PTPRG: variants seen among roughly 807,000 people sequenced by gnomAD.
PTPRG encodes the protein protein tyrosine phosphatase receptor type G, also known as receptor-type tyrosine-protein phosphatase gamma.
In PTPRG, 102 loss-of-function variants were observed where a neutral mutation model predicts 165.3. The ratio of observed to expected loss-of-function variants is 0.62; its 90% CI spans 0.53 to 0.73. The LOEUF (loss-of-function observed/expected upper bound fraction) is 0.73, where lower values mean the gene tolerates loss of function less well. Among genes scored for constraint, PTPRG ranks in the 30% least tolerant of loss-of-function variants. The probability of loss-of-function intolerance (pLI) is 0.00; values close to 1 mark genes in which losing one functional copy is unlikely to be tolerated. For missense variants in PTPRG, 1,866 were observed against 1,861.4 expected (o/e 1.00, Z -0.05); for synonymous variants, 675 against 669.5 (o/e 1.01, Z -0.13).
chr3:61,948,755 G>A (rs190640527), intron 2 of PTPRG, among the ~76,000 whole-genome samples: 2 of 152,312 alleles, frequency 1.3e-5, no homozygotes, highest in Admixed American at 1.3e-4. Context: ...GCGTAGGTGT[G>A]TAAAGAGCCT....
At chr3:62,029,041 A>G (rs554929077) in intron 4 of PTPRG, among the ~76,000 whole-genome samples, 13 of 152,298 alleles carry the variant, frequency 8.5e-5, no homozygotes, top group African/African-American at 3.1e-4. Flanking sequence ...CACAACATAC[A>G]TGGCAGACAT....
chr3:61,833,982 C>A (rs989453465), intron 2 of PTPRG, among the ~76,000 whole-genome samples: 28 of 152,150 alleles, frequency 1.8e-4, no homozygotes, highest in Non-Finnish European at 3.5e-4. Context: ...TTATTGGCTT[C>A]AATTAGTCAC....
intron 2 of PTPRG, among the ~76,000 whole-genome samples, chr3:61,884,194 C>T (rs1008826854): frequency 1.3e-5 from 2 of 152,100 alleles, no homozygotes; most frequent in African/African-American, 2.4e-5. Flanking sequence ...CGAAACCTAG[C>T]TGTATGGTTG....
chr3:62,190,572 G>T lies in PTPRG; in HGVS notation c.1034-897G>T, dbSNP rs1454876642. On this transcript the variant is annotated intron_variant, in intron 8 of 29. Transcript: ENST00000474889. This position sits in a 1 kb window ranked among gnomAD's most constrained non-coding sequence, Gnocchi z 5.2. ...CCCCAAGGAATAAGAAGATGAATGA[G>T]CCTGACTTTTCCTTACACCCCACGT... Among the ~76,000 whole-genome samples the T allele has an allele frequency of 6.6e-6, 1 of 152,160 alleles. No homozygotes were observed. Among genetic ancestry groups the T allele is most frequent in the Non-Finnish European group, 1.5e-5 (1 of 68,026 alleles).
At chr3:61,593,433 G>C (rs955483059) in intron 1 of PTPRG, among the ~76,000 whole-genome samples, 8 of 150,306 alleles carry the variant, frequency 5.3e-5, no homozygotes, top group African/African-American at 1.7e-4. Context: ...ACAAAAGATG[G>C]TCCAGGTTTT....
intron 2 of PTPRG, among the ~76,000 whole-genome samples, chr3:61,780,530 A>G (rs1382124848): frequency 6.6e-6 from 1 of 152,182 alleles, no homozygotes; most frequent in East Asian, 1.9e-4. Flanking sequence ...TTTTAATTTA[A>G]AAGGTCAGTA....
intron 1 of PTPRG, among the ~76,000 whole-genome samples, chr3:61,626,963 T>C (rs1701626997): frequency 6.6e-6 from 1 of 152,164 alleles, no homozygotes; most frequent in East Asian, 1.9e-4. Context: ...ACACTACAAA[T>C]GATCCTGTTA....
At chr3:62,132,191 T>A (rs1378586125) in intron 5 of PTPRG, among the ~76,000 whole-genome samples, 2 of 152,192 alleles carry the variant, frequency 1.3e-5, no homozygotes, top group Non-Finnish European at 2.9e-5. Flanking sequence ...ACAGATTCAT[T>A]TTCTAAAAAG....
At chr3:62,259,695 A>G (rs1701635497) in intron 16 of PTPRG, among the ~76,000 whole-genome samples, 1 of 152,218 alleles carries the variant, frequency 6.6e-6, no homozygotes. Context: ...CTTATGCTAG[A>G]GACCAGCTGC....
Position 61,737,961 on chromosome 3 carries a change from T to C in PTPRG, c.86-10917T>C, listed in dbSNP as rs1344910351. 4.0e-5 allele frequency among the ~76,000 whole-genome samples: 6 copies of C among 149,506 alleles called. No individual in the cohort carries two copies. The South Asian group carries it at 8.4e-4, about 21-fold the overall frequency. ...TCTTTCTCTGTCGCCCAGGCTGGAG[T>C]GCAGTGGCGCGATCTTGGCTCACTG... is the stretch of plus-strand genomic sequence containing the variant. On this transcript the variant is annotated intron_variant, in intron 1 of 29. Coordinates refer to ENST00000474889, the MANE Select transcript of PTPRG (RefSeq NM_002841.4).
chr3:61,823,284 G>T (rs1245567334), intron 2 of PTPRG, among the ~76,000 whole-genome samples: 1 of 152,096 alleles, frequency 6.6e-6, no homozygotes. Flanking sequence ...TCTACCTCCC[G>T]GGTTCAAGGG....
intron 2 of PTPRG, among the ~76,000 whole-genome samples, chr3:61,817,013 A>G (rs1237748185): frequency 9.2e-6 from 1 of 108,798 alleles, no homozygotes; most frequent in African/African-American, 3.7e-5. Flanking sequence ...ATATAAATAT[A>G]TATACTATAT....
chr3:62,185,686 T>A (rs1023907575), intron 8 of PTPRG, among the ~76,000 whole-genome samples: 3 of 152,238 alleles, frequency 2.0e-5, no homozygotes, highest in Admixed American at 6.5e-5. Context: ...AGGCGTGATT[T>A]TAAAGCCCAT....
intron 4 of PTPRG, among the ~76,000 whole-genome samples, chr3:62,027,187 G>T (rs983871303): frequency 6.6e-6 from 1 of 152,066 alleles, no homozygotes; most frequent in African/African-American, 2.4e-5. Flanking sequence ...ATCTAAAATG[G>T]TTTTTCTGCA....
In PTPRG at chr3:62,271,166, GTCTTC is replaced by G. The variant is rs1702046614; in HGVS notation, c.3010-210_3010-206del. On this transcript the variant is annotated intron_variant, in intron 20 of 29. Coordinates refer to ENST00000474889, the MANE Select transcript of PTPRG (RefSeq NM_002841.4). This position sits in a 1 kb window ranked among gnomAD's most constrained non-coding sequence, Gnocchi z 4.1. ...TTCATTCTTAGTACAATCTTAAACA[GTCTTC>G]TCTTCTAAGTGATAGTGACACTTCA... Among the ~76,000 whole-genome samples the G allele has an allele frequency of 6.6e-6, 1 of 152,138 alleles. No homozygotes were observed. The highest frequency in any genetic ancestry group is 1.5e-5 in the Non-Finnish European group (1 of 68,036).
intron 1 of PTPRG, among the ~76,000 whole-genome samples, chr3:61,677,349 A>C (rs1246790399): frequency 6.6e-6 from 1 of 151,758 alleles, no homozygotes; most frequent in African/African-American, 2.4e-5. Context: ...CTGAATCTTT[A>C]TGAAGGCCAT....
At chr3:61,915,896 A>G (rs758635379) in intron 2 of PTPRG, among the ~76,000 whole-genome samples, 1 of 152,212 alleles carries the variant, frequency 6.6e-6, no homozygotes, top group Non-Finnish European at 1.5e-5. Flanking sequence ...CTTGAGTTGC[A>G]TTTTATAACT....
rs1349160613 is a variant in PTPRG at position 62,106,191 on chromosome 3, G to T, written c.616-26411G>T. Reference sequence around the variant, plus strand: ...AGATTTTCTAAATCTATATGGTTTTGCCATCATGGAAACAGAGGTAGAAGA... The same window carrying T: ...AGATTTTCTAAATCTATATGGTTTTTCCATCATGGAAACAGAGGTAGAAGA... On this transcript the variant is annotated intron_variant, in intron 5 of 29. Transcript: ENST00000474889. Among the ~76,000 whole-genome samples the T allele has an allele frequency of 2.6e-5, 4 of 152,220 alleles. No individual in the cohort carries two copies. In the South Asian group the frequency reaches 6.2e-4, roughly 24 times the overall value.
At chr3:61,709,963 A>C (rs9874912) in intron 1 of PTPRG, among the ~76,000 whole-genome samples, 3,332 of 152,194 alleles carry the variant, frequency 0.022, 125 homozygotes, top group African/African-American at 0.076. Context: ...GGTGCTGCTG[A>C]TGCTGCTGTT....
Sources: gnomAD v4.1 joint callset for allele counts (sites outside exome capture counted in the v4.1 genomes callset) on GRCh38, gnomAD v4.1.1 for gene constraint, Gnocchi (gnomAD v3.1) non-coding constraint, MANE v1.5 for transcripts, NCBI Gene and HGNC (gene_info 2026-07-23, HGNC 2026-07-21) for gene names.